NUP188: variants seen among roughly 807,000 people sequenced by gnomAD.
NUP188 encodes the protein nucleoporin NUP188.
A neutral mutation model predicts 223.0 loss-of-function variants in NUP188; 97 were observed. The ratio of observed to expected loss-of-function variants is 0.43; its 90% CI spans 0.37 to 0.51. NUP188 has a LOEUF of 0.51. NUP188 is among the 20% of genes least tolerant of loss of function. The probability of loss-of-function intolerance (pLI) is 0.00; values close to 1 mark genes in which losing one functional copy is unlikely to be tolerated. For synonymous variants in NUP188, 869 were observed against 828.0 expected, an observed-to-expected ratio of 1.05 and a Z score of -0.85; for missense variants, 1,947 against 2,175.6, an observed-to-expected ratio of 0.89 and a Z score of 2.09.
At chr9:128,993,795 A>G in intron 27 of NUP188, 101 bp downstream of exon 27, 1 of 1,064,438 alleles carries the variant, frequency 9.4e-7, no homozygotes, top group Non-Finnish European at 1.4e-6. Flanking sequence ...CACTGGGAAT[A>G]AGAGTGCTTA....
intron 17 of NUP188, 118 bp from the exon 18 acceptor site, chr9:128,983,174 TC>T (rs1842282010): frequency 7.1e-7 from 1 of 1,416,356 alleles, no homozygotes; most frequent in Non-Finnish European, 9.9e-7. Flanking sequence ...GTGAGGGTTT[TC>T]CTGTTTTTAT....
intron 10 of NUP188, among the ~76,000 whole-genome samples, chr9:128,969,910 C>T (rs778034284): frequency 1.3e-5 from 2 of 151,964 alleles, no homozygotes; most frequent in East Asian, 1.9e-4. Flanking sequence ...GGACTACAGG[C>T]GTGAGCCACC....
Position 129,006,501 on chromosome 9 carries a change from G to C in NUP188, c.5074-1G>C. Reference sequence around the variant, plus strand: ...TCACCAAGCCACTTTTTTTCTTGTAGAGCACGCTGCTGTCCAGCCTCTCGC... The same window carrying C: ...TCACCAAGCCACTTTTTTTCTTGTACAGCACGCTGCTGTCCAGCCTCTCGC... On this transcript the variant is annotated splice_acceptor_variant, in intron 43 of 43. Coordinates refer to ENST00000372577, the MANE Select transcript of NUP188 (RefSeq NM_015354.3). LOFTEE classifies it high-confidence loss of function. 1 of 1,611,816 alleles carries C rather than the reference G, an allele frequency of 6.2e-7. No individual in the cohort carries two copies.
At chr9:128,969,631 G>C (rs1018451907) in intron 10 of NUP188, 117 bp downstream of exon 10, 4 of 579,424 alleles carry the variant, frequency 6.9e-6, no homozygotes, top group Non-Finnish European at 9.0e-6. Flanking sequence ...CAGTGATGCA[G>C]AGGTTCTACA....
At chr9:128,974,889 G>T (rs1588278121) in intron 12 of NUP188, among the ~76,000 whole-genome samples, 1 of 151,756 alleles carries the variant, frequency 6.6e-6, no homozygotes, top group Non-Finnish European at 1.5e-5. Flanking sequence ...CTCCTGAGTA[G>T]CTGGGACTAC....
rs765925129 is a variant in NUP188 at position 129,005,626 on chromosome 9, CTCTTG to C, written c.4738-14_4738-10del. The C allele has an allele frequency of 1.2e-6, 2 of 1,612,414 alleles. No homozygotes were observed. Among genetic ancestry groups the C allele is most frequent in the Non-Finnish European group, 8.5e-7 (1 of 1,179,040 alleles). On this transcript the variant is annotated splice_polypyrimidine_tract_variant and intron_variant, in intron 40 of 43. Transcript: ENST00000372577. ...GGGGCCTTAATTGGGTCCTGGATGGCTCTTGTCTTTTCTCGCAGTCCCTGGACCTT... is the reference window on the plus strand; with the variant it reads ...GGGGCCTTAATTGGGTCCTGGATGGCTCTTTTCTCGCAGTCCCTGGACCTT...
At chr9:128,975,806 C>T (rs1842168282) in intron 12 of NUP188, among the ~76,000 whole-genome samples, 4 of 151,726 alleles carry the variant, frequency 2.6e-5, no homozygotes, top group Admixed American at 2.0e-4. Flanking sequence ...GCATTAGCCA[C>T]TGCACCAGGC....
At chr9:129,003,591 T>G in intron 38 of NUP188, 137 bp downstream of exon 38, 1 of 974,842 alleles carries the variant, frequency 1.0e-6, no homozygotes, top group Non-Finnish European at 1.6e-6. Flanking sequence ...GCACAGGGTT[T>G]GCTGTCATGT....
chr9:128,984,979 A>C lies in NUP188; in HGVS notation c.2041A>C (p.Ile681Leu), dbSNP rs748870624. ...EQPQGEYGVTIAFLRLITTLV... is the reference protein window; with the variant it reads ...EQPQGEYGVTLAFLRLITTLV... ...GCCTCAGGGCGAGTATGGGGTTACT[A>C]TTGCCTTTCTGCGCTTGATCACCAC... The change falls in exon 20 of 44, where the codon ATT becomes CTT. Residue 681 changes from isoleucine (I) to leucine (L), a missense_variant. Around this residue, in one of 3 missense-constraint regions of NUP188, gnomAD observed 817 missense variants for 865.8 expected, o/e 0.94. Transcript: ENST00000372577. The C allele has an allele frequency of 1.1e-5, 18 of 1,613,572 alleles. No homozygotes were observed. Among genetic ancestry groups the C allele is most frequent in the Non-Finnish European group, 1.4e-5 (16 of 1,179,820 alleles).
rs375813233 is a variant in NUP188, at chr9:129,005,642, C to T, written c.4738-3C>T. On this transcript the variant is annotated splice_polypyrimidine_tract_variant and splice_region_variant and intron_variant, in intron 40 of 43. Transcript: ENST00000372577. ...CCTGGATGGCTCTTGTCTTTTCTCG[C>T]AGTCCCTGGACCTTGCTGAATACAA... 111 of 1,612,906 alleles carry T rather than the reference C, an allele frequency of 6.9e-5. No homozygotes were observed. In the Middle Eastern group the frequency reaches 3.1e-3, roughly 46 times the overall value.
chr9:128,987,032 A>G (rs1842342703), intron 22 of NUP188, among the ~76,000 whole-genome samples, 157 bp downstream of exon 22: 1 of 147,862 alleles, frequency 6.8e-6, no homozygotes, highest in Non-Finnish European at 1.5e-5. Flanking sequence ...TGGCCTGTTT[A>G]TCATTTCTCA....
At chr9:128,988,213 A>G (rs371311889) in intron 24 of NUP188, 27 bp downstream of exon 24, 101 of 1,611,876 alleles carry the variant, frequency 6.3e-5, no homozygotes, top group Non-Finnish European at 8.1e-5. Context: ...CAGTCACAAC[A>G]TGGTATGTAT....
chr9:129,006,914 G>A lies in NUP188; in HGVS notation c.*236G>A, dbSNP rs548855730. 3.4e-4 allele frequency: 141 copies of A among 415,414 alleles called. No individual in the cohort carries two copies. The South Asian group carries it at 5.7e-3, about 17-fold the overall frequency. The allele number at this position is 415,414 out of a possible 1,614,324, so 25.7% of individuals were successfully genotyped here. ...GTGCTCAGGTCCTCACGCTGCAGAC[G>A]CCCCCTAGAGGAACTTTCCTTCCTT... On this transcript the variant is annotated 3_prime_UTR_variant, in exon 44 of 44. Coordinates refer to ENST00000372577, the MANE Select transcript of NUP188 (RefSeq NM_015354.3).
At chr9:129,003,613 C>T (rs1455774172) in intron 38 of NUP188, 159 bp downstream of exon 38, 1 of 856,136 alleles carries the variant, frequency 1.2e-6, no homozygotes, top group Admixed American at 1.9e-5. Flanking sequence ...CTTACTCTGG[C>T]TAAATGTTTC....
At position 128,982,624 on chromosome 9, in the gene NUP188, G is replaced by C; in HGVS notation, c.1592G>C (p.Arg531Pro). 2 of 1,614,134 alleles carry C rather than the reference G, an allele frequency of 1.2e-6. No individual in the cohort carries two copies. Among genetic ancestry groups the C allele is most frequent in the Non-Finnish European group, 1.7e-6 (2 of 1,180,018 alleles). The change falls in exon 16 of 44, where the codon CGC becomes CCC. Residue 531 changes from arginine (R) to proline (P), a missense_variant. Physicochemically the swap from Arg to Pro is moderately radical, Grantham distance 103 (BLOSUM62 -2). Transcript: ENST00000372577. ...TTGGATGATAGGGCATACCTGGTAC[G>C]CTGGGAATACTCCTATAGCAGCTGG... ...VMLDDRAYLVRWEYSYSSWTL... is the reference protein window; with the variant it reads ...VMLDDRAYLVPWEYSYSSWTL...
chr9:128,988,829 C>T (rs1002817026), intron 24 of NUP188, among the ~76,000 whole-genome samples: 1 of 143,532 alleles, frequency 7.0e-6, no homozygotes, highest in Non-Finnish European at 1.5e-5. Flanking sequence ...TGGGTTTAAG[C>T]AATCCTCCTG....
chr9:128,984,700 C>T (rs1406216764), intron 19 of NUP188, among the ~76,000 whole-genome samples, 200 bp from the exon 20 acceptor site: 1 of 152,112 alleles, frequency 6.6e-6, no homozygotes, highest in African/African-American at 2.4e-5. Context: ...TTTTTACTTT[C>T]AATCTAGGTT....
At position 129,005,633 on chromosome 9, in the gene NUP188, C is replaced by G. The variant is rs758084905; in HGVS notation, c.4738-12C>G. 9 of 1,612,530 alleles carry G rather than the reference C, an allele frequency of 5.6e-6. No homozygotes were observed. Among genetic ancestry groups the G allele is most frequent in the African/African-American group, 2.7e-5 (2 of 74,890 alleles). Reference sequence around the variant, plus strand: ...TAATTGGGTCCTGGATGGCTCTTGTCTTTTCTCGCAGTCCCTGGACCTTGC... The same window carrying G: ...TAATTGGGTCCTGGATGGCTCTTGTGTTTTCTCGCAGTCCCTGGACCTTGC... On this transcript the variant is annotated splice_polypyrimidine_tract_variant and intron_variant, in intron 40 of 43. Transcript: ENST00000372577.
chr9:128,978,003 C>G (rs1158718297), intron 12 of NUP188, among the ~76,000 whole-genome samples: 2 of 152,160 alleles, frequency 1.3e-5, no homozygotes, highest in African/African-American at 2.4e-5. Context: ...ATTTCTGGCT[C>G]AGAGAGATGA....
Sources: allele counts gnomAD v4.1 joint callset (sites outside exome capture counted in the v4.1 genomes callset), GRCh38; gene constraint gnomAD v4.1.1; regional missense constraint gnomAD v4.1.1; transcripts MANE v1.5; gene names NCBI Gene and HGNC (gene_info 2026-07-23, HGNC 2026-07-21).